Variants in DSCAML1 observed in about 807,000 individuals in gnomAD.
The protein encoded by DSCAML1 is cell adhesion molecule DSCAML1.
A neutral mutation model predicts 200.5 loss-of-function variants in DSCAML1; 38 were observed. The observed-to-expected ratio is 0.19, with a 90% CI of 0.15 to 0.25. The LOEUF is 0.25. DSCAML1 is among the 10% of genes least tolerant of loss of function. The pLI is 1.00. For missense variants in DSCAML1, 2,223 were observed against 2,858.8 expected (o/e 0.78, Z 5.07); for synonymous variants, 1,215 against 1,165.0 (o/e 1.04, Z -0.87).
At chr11:117,569,299 C>T (rs1322119636) in intron 3 of DSCAML1, among the ~76,000 whole-genome samples, 2 of 152,222 alleles carry the variant, frequency 1.3e-5, no homozygotes, top group Non-Finnish European at 1.5e-5. Flanking sequence ...CCATTCAGGA[C>T]ATAGGCATGG....
At chr11:117,765,144 A>C (rs1312795980) in intron 3 of DSCAML1, among the ~76,000 whole-genome samples, 1 of 152,188 alleles carries the variant, frequency 6.6e-6, no homozygotes, top group East Asian at 1.9e-4. Flanking sequence ...GAAACACCTC[A>C]ACCTTAGAGG....
chr11:117,703,156 G>A (rs2053698077), intron 3 of DSCAML1, among the ~76,000 whole-genome samples: 1 of 152,290 alleles, frequency 6.6e-6, no homozygotes, highest in African/African-American at 2.4e-5. Context: ...GAGAATTTCA[G>A]GGCTGCCCAG....
chr11:117,747,740 G>C (rs1266415714), intron 3 of DSCAML1, among the ~76,000 whole-genome samples: 1 of 146,370 alleles, frequency 6.8e-6, no homozygotes, highest in African/African-American at 2.8e-5. Flanking sequence ...CAGGTAACAG[G>C]AGAAGGACAA....
intron 3 of DSCAML1, among the ~76,000 whole-genome samples, chr11:117,559,638 A>C (rs2050624784): frequency 1.3e-5 from 2 of 152,120 alleles, no homozygotes; most frequent in South Asian, 4.2e-4. Context: ...TCTCGTTGCA[A>C]ATCTCAGCAT....
At chr11:117,767,412 AC>A (rs2054918274) in intron 3 of DSCAML1, among the ~76,000 whole-genome samples, 1 of 152,150 alleles carries the variant, frequency 6.6e-6, no homozygotes, top group Admixed American at 6.5e-5. Context: ...TTTCCTACAA[AC>A]CATTCTTGCC....
chr11:117,511,183 G>A (rs768333368), intron 8 of DSCAML1, among the ~76,000 whole-genome samples: 7 of 152,160 alleles, frequency 4.6e-5, no homozygotes, highest in Non-Finnish European at 8.8e-5. Context: ...GAGGGAGGAG[G>A]GAACATGGGC....
At chr11:117,796,176 G>A (rs1237910528) in intron 1 of DSCAML1, among the ~76,000 whole-genome samples, 1 of 152,242 alleles carries the variant, frequency 6.6e-6, no homozygotes, top group African/African-American at 2.4e-5. Flanking sequence ...CTGCCTCGCG[G>A]ATCAGGTACG....
chr11:117,502,435 C>T (rs2049413135), intron 11 of DSCAML1, among the ~76,000 whole-genome samples: 1 of 152,204 alleles, frequency 6.6e-6, no homozygotes, highest in Admixed American at 6.5e-5. Flanking sequence ...CCAAGCTCTC[C>T]CAAGCTGAGG....
In DSCAML1 at chr11:117,597,975, T is replaced by C. The variant is rs564127516; in HGVS notation, c.512-65453A>G. 2.0e-5 allele frequency among the ~76,000 whole-genome samples: 3 copies of C among 152,146 alleles called. No individual in the cohort carries two copies. The East Asian group carries it at 5.8e-4, about 29-fold the overall frequency. ...CCTGGGCATACTGAGCGTATAGAAA[T>C]ATGCCTGGCCCAAACCCTAGACACA... On this transcript the variant is annotated intron_variant, in intron 3 of 32. Transcript: ENST00000651296.
chr11:117,506,459 GCTC>G (rs1196907926), intron 8 of DSCAML1, among the ~76,000 whole-genome samples: 2 of 151,640 alleles, frequency 1.3e-5, no homozygotes, highest in African/African-American at 4.9e-5. Flanking sequence ...CCCATGGTCT[GCTC>G]CTCAAGTCCA....
At chr11:117,565,900 C>A (rs920816006) in intron 3 of DSCAML1, among the ~76,000 whole-genome samples, 5 of 152,212 alleles carry the variant, frequency 3.3e-5, no homozygotes, top group Non-Finnish European at 5.9e-5. Context: ...CTCAAAGCCA[C>A]ACAGCAGGCT....
chr11:117,481,035 A>T (rs1323522807), intron 13 of DSCAML1, 139 bp downstream of exon 13: 11 of 781,496 alleles, frequency 1.4e-5, no homozygotes, highest in Non-Finnish European at 2.3e-5. Context: ...AGGTGGAGGG[A>T]GGCTTTTCCC....
chr11:117,469,112 C>T lies in DSCAML1; in HGVS notation c.3024+798G>A, dbSNP rs1018136969. The stretch of plus-strand genomic sequence containing the variant: ...GCAGTCTGAGCTCTGTCTCTGCTAG[C>T]CAGGCCACCTCACATCTTGTCTCCA... On this transcript the variant is annotated intron_variant, in intron 16 of 32. Coordinates refer to ENST00000651296, the MANE Select transcript of DSCAML1 (RefSeq NM_020693.4). The surrounding 1 kb of genome is among the most constrained non-coding windows in gnomAD (Gnocchi z 4.1). Among the ~76,000 whole-genome samples, 4 of 152,160 alleles carry T rather than the reference C, an allele frequency of 2.6e-5. No homozygotes were observed. Among genetic ancestry groups the T allele is most frequent in the African/African-American group, 9.7e-5 (4 of 41,434 alleles).
intron 18 of DSCAML1, 101 bp downstream of exon 18, chr11:117,461,349 C>T (rs2048479560): frequency 6.5e-7 from 1 of 1,536,944 alleles, no homozygotes. Context: ...TTCCTCTTGC[C>T]AAGCTGTGGG....
rs181131806 is a variant in DSCAML1, at chr11:117,526,292, T to G, written c.659-1209A>C. 1.4e-4 allele frequency among the ~76,000 whole-genome samples: 22 copies of G among 152,294 alleles called. No individual in the cohort carries two copies. The East Asian group carries it at 4.3e-3, about 29-fold the overall frequency. ...TCTGGGCCAGTGAGTCGGCCTGGCC[T>G]GCCTACACTGTCCCCTGTCTCCATG... On this transcript the variant is annotated intron_variant, in intron 4 of 32. Coordinates refer to ENST00000651296, the MANE Select transcript of DSCAML1 (RefSeq NM_020693.4).
At chr11:117,747,463 C>T (rs2054536323) in intron 3 of DSCAML1, among the ~76,000 whole-genome samples, 1 of 152,146 alleles carries the variant, frequency 6.6e-6, no homozygotes, top group Non-Finnish European at 1.5e-5. Flanking sequence ...TTCCCCATCC[C>T]TCCTCAATCA....
intron 20 of DSCAML1, among the ~76,000 whole-genome samples, chr11:117,450,002 G>T (rs1009708513): frequency 6.6e-6 from 1 of 152,210 alleles, no homozygotes; most frequent in Non-Finnish European, 1.5e-5. Flanking sequence ...CCAGGGTTAG[G>T]GCAGATATCG....
At chr11:117,639,462 G>A (rs71480348) in intron 3 of DSCAML1, among the ~76,000 whole-genome samples, 1 of 151,596 alleles carries the variant, frequency 6.6e-6, no homozygotes, top group Non-Finnish European at 1.5e-5. Context: ...ATGGGTGGGA[G>A]GCTGAATGGA....
intron 3 of DSCAML1, among the ~76,000 whole-genome samples, chr11:117,683,378 C>G (rs1251781427): frequency 6.6e-6 from 1 of 152,210 alleles, no homozygotes; most frequent in Non-Finnish European, 1.5e-5. Flanking sequence ...GCTAAGAGCA[C>G]AAGACCTACT....
Sources: allele counts gnomAD v4.1 joint callset (sites outside exome capture counted in the v4.1 genomes callset), GRCh38; gene constraint gnomAD v4.1.1; non-coding constraint Gnocchi (gnomAD v3.1); transcripts MANE v1.5; gene names NCBI Gene and HGNC (gene_info 2026-07-23, HGNC 2026-07-21).